The following SGCZ variants were observed in gnomAD, a reference collection of about 807,000 sequenced individuals.
SGCZ encodes sarcoglycan zeta.
In SGCZ, 40 loss-of-function variants were observed where a neutral mutation model predicts 41.3. That is an observed-to-expected ratio of 0.97 (90% CI 0.75 to 1.26). The LOEUF is 1.26. SGCZ is among the 50% of genes most tolerant of loss of function. The probability of loss-of-function intolerance (pLI) is 0.00; values close to 1 mark genes in which losing one functional copy is unlikely to be tolerated. For missense variants in SGCZ, 552 were observed against 369.8 expected, an observed-to-expected ratio of 1.49 and a Z score of -4.04; for synonymous variants, 206 against 137.5, an observed-to-expected ratio of 1.50 and a Z score of -3.49.
chr8:14,972,540 T>C (rs945857991), intron 1 of SGCZ, among the ~76,000 whole-genome samples: 2 of 152,180 alleles, frequency 1.3e-5, no homozygotes, highest in Non-Finnish European at 2.9e-5. Flanking sequence ...AAATCTATCA[T>C]CTTGTTGTTT....
At chr8:14,418,306 G>C (rs1563316527) in intron 2 of SGCZ, among the ~76,000 whole-genome samples, 1 of 151,916 alleles carries the variant, frequency 6.6e-6, no homozygotes, top group Non-Finnish European at 1.5e-5. Context: ...AATGTGAAGA[G>C]TAGAAAATGG....
intron 1 of SGCZ, among the ~76,000 whole-genome samples, chr8:14,870,767 A>C (rs184547496): frequency 1.3e-5 from 2 of 152,298 alleles, no homozygotes; most frequent in African/African-American, 4.8e-5. Context: ...TGGGTGAAGA[A>C]TACGAACAGA....
chr8:14,510,133 C>T (rs9657239), intron 2 of SGCZ, among the ~76,000 whole-genome samples: 8,071 of 152,138 alleles, frequency 0.053, 300 homozygotes, highest in African/African-American at 0.11. Context: ...GAAATTTCCT[C>T]TGCAACACTC....
intron 2 of SGCZ, among the ~76,000 whole-genome samples, chr8:14,427,651 C>A (rs766761374): frequency 6.6e-6 from 1 of 152,076 alleles, no homozygotes; most frequent in African/African-American, 2.4e-5. Context: ...AGGAGTTAGG[C>A]GGTAATTGCT....
chr8:14,987,651 G>C (rs1023163675), intron 1 of SGCZ, among the ~76,000 whole-genome samples: 1 of 151,792 alleles, frequency 6.6e-6, no homozygotes. Context: ...AGAATCTTTT[G>C]GGAAAATATT....
At chr8:14,711,045 T>A (rs1809498586) in intron 1 of SGCZ, among the ~76,000 whole-genome samples, 2 of 152,146 alleles carry the variant, frequency 1.3e-5, no homozygotes. Context: ...CAATAAAAGA[T>A]TAAATGTTCA....
chr8:14,771,382 T>G (rs1031052), intron 1 of SGCZ, among the ~76,000 whole-genome samples: 34,110 of 152,078 alleles, frequency 0.22, 4,869 homozygotes, highest in African/African-American at 0.41. Context: ...ACATTTATTT[T>G]TAGGGAGTGT....
intron 2 of SGCZ, among the ~76,000 whole-genome samples, chr8:14,531,084 C>A (rs1041536014): frequency 6.6e-6 from 1 of 151,996 alleles, no homozygotes; most frequent in Non-Finnish European, 1.5e-5. Context: ...TGAGAACTTC[C>A]ATTCTTGTTT....
rs553655584 is a variant in SGCZ, at chr8:14,181,579, C to T, written c.425-16877G>A. Among the ~76,000 whole-genome samples the T allele has an allele frequency of 2.0e-4, 31 of 152,264 alleles. 1 individual carries two copies. The South Asian group carries it at 5.4e-3, about 26-fold the overall frequency. On this transcript the variant is annotated intron_variant, in intron 4 of 7. Coordinates refer to ENST00000382080, the MANE Select transcript of SGCZ (RefSeq NM_139167.4). The stretch of plus-strand genomic sequence containing the variant: ...TGTAATAATCCCCATGTGACAAGGG[C>T]GGGGCCAGATGGAGATAACTGAAGC...
At chr8:14,127,416 A>G (rs867378823) in intron 5 of SGCZ, among the ~76,000 whole-genome samples, 1 of 152,002 alleles carries the variant, frequency 6.6e-6, no homozygotes, top group South Asian at 2.1e-4. Flanking sequence ...CATCACTTTG[A>G]TTAATTTTAA....
intron 2 of SGCZ, among the ~76,000 whole-genome samples, chr8:14,543,010 G>A (rs1332387261): frequency 2.0e-5 from 3 of 151,714 alleles, no homozygotes; most frequent in Non-Finnish European, 4.4e-5. Context: ...ACAAGCTTAA[G>A]TACAAAAACT....
chr8:14,306,770 T>C (rs1366025348), intron 3 of SGCZ, among the ~76,000 whole-genome samples: 1 of 152,090 alleles, frequency 6.6e-6, no homozygotes, highest in Non-Finnish European at 1.5e-5. Context: ...CCTGATCAAA[T>C]AAAAAATGTG....
At chr8:14,481,929 G>A (rs998391783) in intron 2 of SGCZ, among the ~76,000 whole-genome samples, 8 of 152,064 alleles carry the variant, frequency 5.3e-5, no homozygotes, top group African/African-American at 1.2e-4. Flanking sequence ...AACAAACAAC[G>A]TAAGATCTAC....
rs561226559 is a variant in SGCZ, at chr8:14,939,525, TAAAC to T, written c.39+298056_39+298059del. ...TTTTATCGTATGAGGATGGTTAAAT[TAAAC>T]AAAATGAAATTACTCAAGCAACAAA... On this transcript the variant is annotated intron_variant, in intron 1 of 7. Coordinates refer to ENST00000382080, the MANE Select transcript of SGCZ (RefSeq NM_139167.4). Among the ~76,000 whole-genome samples the T allele has an allele frequency of 4.2e-3, 644 of 152,204 alleles. 4 individuals are homozygous for T. The highest frequency in any genetic ancestry group is 7.1e-3 in the Non-Finnish European group (480 of 67,996).
chr8:14,110,236 T>C (rs1802331610), intron 5 of SGCZ, among the ~76,000 whole-genome samples: 2 of 152,142 alleles, frequency 1.3e-5, no homozygotes, highest in African/African-American at 4.8e-5. Context: ...TGGCATTTTG[T>C]AATAAGATAT....
intron 1 of SGCZ, among the ~76,000 whole-genome samples, chr8:15,229,850 T>C (rs1298289709): frequency 6.6e-6 from 1 of 152,192 alleles, no homozygotes; most frequent in East Asian, 1.9e-4. Flanking sequence ...CAAAGGGTCT[T>C]TTATCTTAGG....
chr8:14,169,301 C>A (rs1187397145), intron 4 of SGCZ, among the ~76,000 whole-genome samples: 1 of 152,140 alleles, frequency 6.6e-6, no homozygotes, highest in Non-Finnish European at 1.5e-5. Flanking sequence ...CCCAGTACCC[C>A]ATCCTCCTAA....
At chr8:14,458,907 G>T (rs112808476) in intron 2 of SGCZ, among the ~76,000 whole-genome samples, 1 of 152,088 alleles carries the variant, frequency 6.6e-6, no homozygotes, top group African/African-American at 2.4e-5. Flanking sequence ...GAGACCTAGG[G>T]TTAGGAAAAT....
At chr8:14,551,516 T>G (rs112450493) in intron 2 of SGCZ, among the ~76,000 whole-genome samples, 2 of 10,188 alleles carry the variant, frequency 2.0e-4, no homozygotes, top group African/African-American at 8.6e-4. Context: ...ATTATATATA[T>G]TATATATAAT....
Sources: allele counts gnomAD v4.1 joint callset (sites outside exome capture counted in the v4.1 genomes callset), GRCh38; gene constraint gnomAD v4.1.1; transcripts MANE v1.5; gene names NCBI Gene and HGNC (gene_info 2026-07-23, HGNC 2026-07-21).